The following TMTC2 variants were observed in gnomAD, a reference collection of about 807,000 sequenced individuals.
The protein encoded by TMTC2 is protein O-mannosyl-transferase TMTC2.
Under a neutral mutation model 82.4 loss-of-function variants are expected in TMTC2, and 43 were observed. That is an observed-to-expected ratio of 0.52 (90% CI 0.41 to 0.67). TMTC2 has a LOEUF of 0.67. TMTC2 is among the 30% of genes least tolerant of loss of function. TMTC2 has a pLI of 0.00. For synonymous variants in TMTC2, 408 were observed against 381.9 expected (o/e 1.07, Z -0.80); for missense variants, 919 against 1,012.4 (o/e 0.91, Z 1.25).
intron 1 of TMTC2, among the ~76,000 whole-genome samples, chr12:82,793,912 T>C (rs1878582517): frequency 6.6e-6 from 1 of 152,194 alleles, no homozygotes; most frequent in African/African-American, 2.4e-5. Flanking sequence ...GCTTATCTAC[T>C]GTATATGCGA....
chr12:82,977,667 T>C (rs1181961293), intron 7 of TMTC2, among the ~76,000 whole-genome samples: 1 of 151,782 alleles, frequency 6.6e-6, no homozygotes. Context: ...ATATAGAAAA[T>C]GTTTTGTGTA....
At chr12:82,727,136 T>C (rs909459006) in intron 1 of TMTC2, among the ~76,000 whole-genome samples, 2 of 151,888 alleles carry the variant, frequency 1.3e-5, no homozygotes, top group African/African-American at 4.8e-5. Flanking sequence ...AAACTTATAA[T>C]GTTTATTTTC....
chr12:82,833,459 C>T (rs1228824518), intron 1 of TMTC2, among the ~76,000 whole-genome samples: 1 of 152,180 alleles, frequency 6.6e-6, no homozygotes, highest in African/African-American at 2.4e-5. Context: ...TCTGACAAGT[C>T]TATGCTCTTG....
intron 9 of TMTC2, among the ~76,000 whole-genome samples, chr12:83,045,713 ACACACACACACACG>A (rs1010341023): frequency 2.4e-4 from 29 of 118,374 alleles, no homozygotes; most frequent in South Asian, 3.1e-4. Flanking sequence ...TCCTTCACAC[ACACACACACACACG>A]CACACACACA....
intron 1 of TMTC2, among the ~76,000 whole-genome samples, chr12:82,803,267 C>T (rs1180610521): frequency 6.6e-6 from 1 of 152,096 alleles, no homozygotes; most frequent in Non-Finnish European, 1.5e-5. Flanking sequence ...GACATTAAGA[C>T]AGCTGAGTTT....
In TMTC2 at chr12:82,973,602, G is replaced by A. The variant is rs61063849; in HGVS notation, c.1948+6605G>A. The stretch of plus-strand genomic sequence containing the variant: ...AATATATTTTTCTACATTTTACACC[G>A]TATATAAACTCTACATTATGTACTA... On this transcript the variant is annotated intron_variant, in intron 7 of 11. Coordinates refer to ENST00000321196, the MANE Select transcript of TMTC2 (RefSeq NM_152588.3). Among the ~76,000 whole-genome samples the A allele has an allele frequency of 9.7e-3, 1,477 of 152,144 alleles. 32 individuals are homozygous for A. Among genetic ancestry groups the A allele is most frequent in the African/African-American group, 0.034 (1,406 of 41,486 alleles).
chr12:82,734,258 T>C (rs1296199108), intron 1 of TMTC2, among the ~76,000 whole-genome samples: 1 of 152,174 alleles, frequency 6.6e-6, no homozygotes, highest in East Asian at 1.9e-4. Context: ...CTGCTCAGGG[T>C]CTAATAGGGC....
chr12:83,074,471 G>A (rs953116122), intron 11 of TMTC2, among the ~76,000 whole-genome samples: 2 of 152,110 alleles, frequency 1.3e-5, no homozygotes, highest in Non-Finnish European at 2.9e-5. Context: ...TGGGGGCAGG[G>A]CTAGGCGTGT....
At chr12:82,783,290 C>CTGTGTGTGTGTGTGTG (rs72110651) in intron 1 of TMTC2, among the ~76,000 whole-genome samples, 1,505 of 119,334 alleles carry the variant, frequency 0.013, 47 homozygotes, top group African/African-American at 0.046. Context: ...GTATATGCCT[C>CTGTGTGTGTGTGTGTG]TGTGTGTGTG....
At chr12:83,073,323 A>G (rs1454382875) in intron 11 of TMTC2, among the ~76,000 whole-genome samples, 1 of 152,174 alleles carries the variant, frequency 6.6e-6, no homozygotes, top group Non-Finnish European at 1.5e-5. Flanking sequence ...CTTCTAGCTT[A>G]TAGGGTTTCT....
At chr12:82,691,045 C>T (rs915492699) in intron 1 of TMTC2, among the ~76,000 whole-genome samples, 2 of 152,160 alleles carry the variant, frequency 1.3e-5, no homozygotes, top group Admixed American at 1.3e-4. Context: ...CTGTTCTAAA[C>T]TTTAGAAGTC....
At chr12:83,032,392 T>A (rs1038192883) in intron 9 of TMTC2, among the ~76,000 whole-genome samples, 9 of 151,164 alleles carry the variant, frequency 6.0e-5, no homozygotes, top group African/African-American at 2.2e-4. Flanking sequence ...CCCTTATTAA[T>A]CTGGTTATAT....
chr12:82,708,610 C>T (rs892045143), intron 1 of TMTC2, among the ~76,000 whole-genome samples: 2 of 152,200 alleles, frequency 1.3e-5, no homozygotes, highest in African/African-American at 2.4e-5. Context: ...CCATCAGCCC[C>T]TGTCACGTGG....
intron 1 of TMTC2, among the ~76,000 whole-genome samples, chr12:82,820,477 C>T (rs922590909): frequency 1.3e-5 from 2 of 151,516 alleles, no homozygotes; most frequent in Non-Finnish European, 1.5e-5. Context: ...TGGGTTCAAG[C>T]GATTCTCTTG....
Position 82,828,780 on chromosome 12 carries a change from T to C in TMTC2, c.84-28230T>C, listed in dbSNP as rs58307450. Among the ~76,000 whole-genome samples the C allele has an allele frequency of 6.6e-3, 1,005 of 152,222 alleles. 8 individuals are homozygous for C. Among genetic ancestry groups the C allele is most frequent in the African/African-American group, 0.023 (962 of 41,546 alleles). ...ATGCACAGCACAGATTATAGGTGTA[T>C]GACTTAAAGGAAAAACCTATTTCAA... On this transcript the variant is annotated intron_variant, in intron 1 of 11. Coordinates refer to ENST00000321196, the MANE Select transcript of TMTC2 (RefSeq NM_152588.3).
intron 11 of TMTC2, among the ~76,000 whole-genome samples, chr12:83,084,074 G>A (rs1349557519): frequency 6.6e-6 from 1 of 152,198 alleles, no homozygotes; most frequent in Non-Finnish European, 1.5e-5. Flanking sequence ...GGTGGTCACA[G>A]TGAACTAGGA....
intron 11 of TMTC2, among the ~76,000 whole-genome samples, chr12:83,097,773 G>A: frequency 6.6e-6 from 1 of 152,144 alleles, no homozygotes. Flanking sequence ...TCTGGAACAG[G>A]AAAAGATTCA....
intron 1 of TMTC2, among the ~76,000 whole-genome samples, chr12:82,824,931 T>C (rs1288176544): frequency 1.3e-5 from 2 of 151,818 alleles, no homozygotes; most frequent in East Asian, 3.9e-4. Context: ...TCTACTAAAA[T>C]TATAAAAACT....
At chr12:82,749,945 T>G (rs2136964397) in intron 1 of TMTC2, among the ~76,000 whole-genome samples, 1 of 151,872 alleles carries the variant, frequency 6.6e-6, no homozygotes, top group African/African-American at 2.4e-5. Context: ...ACCATGTTGG[T>G]CAGGCTGGTC....
Sources: gnomAD v4.1 joint callset for allele counts (sites outside exome capture counted in the v4.1 genomes callset) on GRCh38, gnomAD v4.1.1 for gene constraint, MANE v1.5 for transcripts, NCBI Gene and HGNC (gene_info 2026-07-23, HGNC 2026-07-21) for gene names.